Variants in NELL1 observed in about 807,000 individuals in gnomAD.
NELL1 encodes the protein neural EGFL like 1.
In NELL1, 76 loss-of-function variants were observed where a neutral mutation model predicts 107.4. The ratio of observed to expected loss-of-function variants is 0.71; its 90% CI spans 0.59 to 0.86. The LOEUF (loss-of-function observed/expected upper bound fraction) is 0.86. NELL1 is among the 40% of genes least tolerant of loss of function. The probability of loss-of-function intolerance (pLI) is 0.00; values close to 1 mark genes in which losing one functional copy is unlikely to be tolerated. For missense variants in NELL1, 1,024 were observed against 1,005.5 expected, an observed-to-expected ratio of 1.02 and a Z score of -0.25; for synonymous variants, 353 against 341.2, an observed-to-expected ratio of 1.03 and a Z score of -0.38.
At chr11:21,332,597 C>A (rs924399011) in intron 14 of NELL1, among the ~76,000 whole-genome samples, 2 of 151,942 alleles carry the variant, frequency 1.3e-5, no homozygotes, top group Admixed American at 6.6e-5. Flanking sequence ...CAAACTAAAT[C>A]TTCATGGGAA....
intron 5 of NELL1, among the ~76,000 whole-genome samples, chr11:20,892,403 A>G (rs1333705656): frequency 6.6e-6 from 1 of 152,220 alleles, no homozygotes; most frequent in Non-Finnish European, 1.5e-5. Flanking sequence ...TACCAGTCGG[A>G]ATGGTGATTA....
intron 17 of NELL1, among the ~76,000 whole-genome samples, chr11:21,560,808 G>A (rs1461295794): frequency 6.6e-6 from 1 of 152,054 alleles, no homozygotes; most frequent in Non-Finnish European, 1.5e-5. Flanking sequence ...AGAAAAGCAA[G>A]GCCAACAGAC....
At chr11:20,963,478 C>G (rs1019533385) in intron 12 of NELL1, among the ~76,000 whole-genome samples, 2 of 152,040 alleles carry the variant, frequency 1.3e-5, no homozygotes, top group African/African-American at 2.4e-5. Flanking sequence ...TTGCTGGTTA[C>G]AACAAAATAG....
chr11:21,128,553 A>G (rs1855541488), intron 13 of NELL1, among the ~76,000 whole-genome samples: 2 of 152,128 alleles, frequency 1.3e-5, no homozygotes, highest in African/African-American at 4.8e-5. Flanking sequence ...TTACTTGTGA[A>G]TCATCAAAAT....
At chr11:20,856,019 T>C (rs1437751901) in intron 4 of NELL1, among the ~76,000 whole-genome samples, 1 of 152,228 alleles carries the variant, frequency 6.6e-6, no homozygotes, top group Non-Finnish European at 1.5e-5. Context: ...TTAATTAAAC[T>C]AATGTTATAA....
intron 13 of NELL1, among the ~76,000 whole-genome samples, chr11:21,113,943 G>A (rs760477136): frequency 2.0e-5 from 3 of 151,940 alleles, no homozygotes; most frequent in Non-Finnish European, 4.4e-5. Flanking sequence ...GCATACATGG[G>A]TGTGTGATTT....
At chr11:20,822,075 G>A (rs1857768315) in intron 3 of NELL1, among the ~76,000 whole-genome samples, 2 of 152,200 alleles carry the variant, frequency 1.3e-5, no homozygotes, top group African/African-American at 2.4e-5. Flanking sequence ...GGGTCCCTGA[G>A]TGTCCCCAAG....
intron 13 of NELL1, among the ~76,000 whole-genome samples, chr11:21,185,626 G>A (rs553067440): frequency 1.3e-5 from 2 of 151,812 alleles, no homozygotes; most frequent in South Asian, 4.1e-4. Flanking sequence ...CCATGGGCAA[G>A]CTAGTTAACC....
At chr11:21,184,500 C>T (rs945352061) in intron 13 of NELL1, among the ~76,000 whole-genome samples, 7 of 151,758 alleles carry the variant, frequency 4.6e-5, no homozygotes, top group Non-Finnish European at 8.8e-5. Context: ...AAACTTCTGA[C>T]CCCAAGTGAT....
chr11:21,328,152 C>T (rs1850186923), intron 14 of NELL1, among the ~76,000 whole-genome samples: 1 of 152,148 alleles, frequency 6.6e-6, no homozygotes, highest in African/African-American at 2.4e-5. Flanking sequence ...CAACCCCTCC[C>T]ATCACAGGCC....
chr11:20,709,728 T>C (rs1855064195), intron 2 of NELL1, among the ~76,000 whole-genome samples: 1 of 152,198 alleles, frequency 6.6e-6, no homozygotes, highest in African/African-American at 2.4e-5. Flanking sequence ...AATAGTGTTT[T>C]GTAGTTTTCC....
At chr11:21,398,162 G>T (rs1156232121) in intron 15 of NELL1, among the ~76,000 whole-genome samples, 1 of 151,528 alleles carries the variant, frequency 6.6e-6, no homozygotes, top group African/African-American at 2.4e-5. Flanking sequence ...GATTATACTA[G>T]TGAAAATAAA....
Position 20,825,464 on chromosome 11 carries a change from C to T in NELL1, c.336-22119C>T, listed in dbSNP as rs1857860490. On this transcript the variant is annotated intron_variant, in intron 3 of 19. Coordinates refer to ENST00000357134, the MANE Select transcript of NELL1 (RefSeq NM_006157.5). Reference sequence around the variant, plus strand: ...CCACAGGGGCAGAGTTGCCCAAGGCCATGGGAGTCCACCTCTTGCATCTGT... The same window carrying T: ...CCACAGGGGCAGAGTTGCCCAAGGCTATGGGAGTCCACCTCTTGCATCTGT... Among the ~76,000 whole-genome samples, 6 of 151,432 alleles carry T rather than the reference C, an allele frequency of 4.0e-5. 1 individual carries two copies. The Admixed American group carries it at 4.0e-4, about 10-fold the overall frequency.
intron 1 of NELL1, among the ~76,000 whole-genome samples, chr11:20,675,929 T>A (rs1179450776): frequency 6.6e-6 from 1 of 152,068 alleles, no homozygotes; most frequent in African/African-American, 2.4e-5. Flanking sequence ...TTGATCTTTT[T>A]GTAGAGACAT....
intron 13 of NELL1, among the ~76,000 whole-genome samples, chr11:21,212,197 AC>A (rs1857512519): frequency 6.6e-6 from 1 of 152,152 alleles, no homozygotes; most frequent in South Asian, 2.1e-4. Context: ...TAGGCCATAT[AC>A]AACCTCCCTG....
intron 14 of NELL1, among the ~76,000 whole-genome samples, chr11:21,274,886 A>G (rs1259706908): frequency 6.6e-6 from 1 of 152,244 alleles, no homozygotes; most frequent in Admixed American, 6.5e-5. Context: ...AATCTCTGGG[A>G]CACATTCAAA....
intron 15 of NELL1, among the ~76,000 whole-genome samples, chr11:21,435,649 C>G (rs2133839088): frequency 6.6e-6 from 1 of 151,658 alleles, no homozygotes; most frequent in Non-Finnish European, 1.5e-5. Flanking sequence ...TAAGTTGAAC[C>G]CTTCTTGTAT....
In NELL1 at chr11:20,847,577, A is replaced by G; in HGVS notation, c.336-6A>G. 1 of 1,611,540 alleles carries G rather than the reference A, an allele frequency of 6.2e-7. No homozygotes were observed. Among genetic ancestry groups the G allele is most frequent in the East Asian group, 2.2e-5 (1 of 44,822 alleles). On this transcript the variant is annotated splice_region_variant and splice_polypyrimidine_tract_variant and intron_variant, in intron 3 of 19. Coordinates refer to ENST00000357134, the MANE Select transcript of NELL1 (RefSeq NM_006157.5). ...ATAAAACAAATGTTTGTTCCTTTAC[A>G]TACAGCTATTTTGAACTGGAGAGCA...
At position 21,011,425 on chromosome 11, in the gene NELL1, A is replaced by G. The variant is rs141508137; in HGVS notation, c.1300+50865A>G. On this transcript the variant is annotated intron_variant, in intron 12 of 19. Coordinates refer to ENST00000357134, the MANE Select transcript of NELL1 (RefSeq NM_006157.5). ...AGAGAGAGAAGAGGAAGAAATTATA[A>G]TTCTGGCATGACAAAGATCAGTAAC... 4.2e-3 allele frequency among the ~76,000 whole-genome samples: 634 copies of G among 152,286 alleles called. 4 individuals are homozygous for G. The highest frequency in any genetic ancestry group is 0.013 in the African/African-American group (533 of 41,574).
Sources: gnomAD v4.1 joint callset for allele counts (sites outside exome capture counted in the v4.1 genomes callset) on GRCh38, gnomAD v4.1.1 for gene constraint, MANE v1.5 for transcripts, NCBI Gene and HGNC (gene_info 2026-07-23, HGNC 2026-07-21) for gene names.